MYO1F: variants seen among roughly 807,000 people sequenced by gnomAD.
MYO1F encodes unconventional myosin-If.
Under a neutral mutation model 146.6 loss-of-function variants are expected in MYO1F, and 60 were observed. That is an observed-to-expected ratio of 0.41 (90% CI 0.33 to 0.51). The LOEUF is 0.51. Ranked by LOEUF, MYO1F falls within the 20% of genes least tolerant of loss-of-function variation. The pLI is 0.25. For missense variants in MYO1F, 1,274 were observed against 1,534.3 expected, an observed-to-expected ratio of 0.83 and a Z score of 2.83; for synonymous variants, 602 against 602.1, an observed-to-expected ratio of 1.00 and a Z score of 0.00.
intron 4 of MYO1F, among the ~76,000 whole-genome samples, chr19:8,554,026 A>G (rs901374118): frequency 6.6e-6 from 1 of 151,796 alleles, no homozygotes. Context: ...GTGTGATCAT[A>G]GCACCTGTTC....
intron 4 of MYO1F, among the ~76,000 whole-genome samples, chr19:8,553,894 A>ACACTCTCTCTCTCT: frequency 3.1e-4 from 32 of 102,664 alleles, no homozygotes; most frequent in South Asian, 1.7e-3. Context: ...ACACACACAC[A>ACACTCTCTCTCTCT]CTCTCTCTCT....
At chr19:8,572,925 G>C (rs969129457) in intron 1 of MYO1F, among the ~76,000 whole-genome samples, 9 of 152,052 alleles carry the variant, frequency 5.9e-5, no homozygotes, top group African/African-American at 2.2e-4. Flanking sequence ...CGAACATCTG[G>C]CCTCAAGTGA....
Position 8,560,442 on chromosome 19 carries a change from A to G in MYO1F, c.4-4646T>C, listed in dbSNP as rs540164465. 3.0e-4 allele frequency among the ~76,000 whole-genome samples: 45 copies of G among 150,628 alleles called. No individual in the cohort carries two copies. The South Asian group carries it at 9.2e-3, about 31-fold the overall frequency. On this transcript the variant is annotated intron_variant, in intron 1 of 27. Coordinates refer to ENST00000644032, the MANE Select transcript of MYO1F (RefSeq NM_012335.4). ...AGAGGTTGCAGTGAGCCGAGATTGC[A>G]CCATTGCACTCCAACCTGGGCAAAC...
At chr19:8,574,567 C>CTT (rs1261164317) in intron 1 of MYO1F, among the ~76,000 whole-genome samples, 1 of 89,358 alleles carries the variant, frequency 1.1e-5, no homozygotes, top group Non-Finnish European at 2.3e-5. Context: ...TTCTTTCTTT[C>CTT]TTTCTTTCTT....
At chr19:8,575,739 C>G (rs1474834903) in intron 1 of MYO1F, among the ~76,000 whole-genome samples, 5 of 152,142 alleles carry the variant, frequency 3.3e-5, no homozygotes, top group African/African-American at 4.8e-5. Flanking sequence ...TTCTATCATC[C>G]TCTGCGATAC....
chr19:8,521,653 A>G (rs779066519), intron 27 of MYO1F, 49 bp from the exon 28 acceptor site: 2 of 1,557,696 alleles, frequency 1.3e-6, no homozygotes, highest in Non-Finnish European at 1.8e-6. Context: ...CCCTGGAGAA[A>G]GCTCTCATGC....
In MYO1F at chr19:8,521,271, T is replaced by C. The variant is rs1972053250; in HGVS notation, c.*257A>G. 1.9e-6 allele frequency: 1 copy of C among 538,822 alleles called. No individual in the cohort carries two copies. The highest frequency in any genetic ancestry group is 3.4e-6 in the Non-Finnish European group (1 of 296,456). 33.4% of individuals were successfully genotyped at this position (538,822 alleles called of 1,614,324 possible). On this transcript the variant is annotated 3_prime_UTR_variant, in exon 28 of 28. Coordinates refer to ENST00000644032, the MANE Select transcript of MYO1F (RefSeq NM_012335.4). ...ATGGCAGTTGGGAGGTAGATTCTGC[T>C]GTTAGTCCCCTTTGACACACACAGA...
intron 2 of MYO1F, among the ~76,000 whole-genome samples, chr19:8,555,043 G>A (rs922651031): frequency 6.6e-6 from 1 of 151,914 alleles, no homozygotes; most frequent in African/African-American, 2.4e-5. Flanking sequence ...AAATTACCCG[G>A]GCATGGTGGT....
Position 8,527,443 on chromosome 19 carries a change from T to TAC in MYO1F, c.2367_2368dup (p.Tyr790CysfsTer3). 6.2e-7 allele frequency: 1 copy of TAC among 1,614,046 alleles called. No homozygotes were observed. Among genetic ancestry groups the TAC allele is most frequent in the Non-Finnish European group, 8.5e-7 (1 of 1,180,006 alleles). On this transcript the variant is annotated frameshift_variant, in exon 22 of 28. Coordinates refer to ENST00000644032, the MANE Select transcript of MYO1F (RefSeq NM_012335.4). LOFTEE classifies it high-confidence loss of function. ...CTTCACTTTCTCTCGCCCAATCACA[T>TAC]ACACACACTTGGGCGTCAGGATCAA...
intron 19 of MYO1F, among the ~76,000 whole-genome samples, chr19:8,535,090 T>C (rs929414915): frequency 1.3e-5 from 2 of 151,494 alleles, no homozygotes; most frequent in African/African-American, 2.4e-5. Flanking sequence ...TTTTGTACTT[T>C]TAATAGAGAA....
chr19:8,533,138 A>C (rs1599927651), intron 19 of MYO1F, among the ~76,000 whole-genome samples: 1 of 143,562 alleles, frequency 7.0e-6, no homozygotes, highest in Admixed American at 7.1e-5. Flanking sequence ...TCCCGGGCTC[A>C]AGGGATCCTC....
chr19:8,540,341 T>A, intron 15 of MYO1F: 1 of 213,084 alleles, frequency 4.7e-6, no homozygotes, highest in Non-Finnish European at 9.2e-6. Context: ...TTATCTTATT[T>A]TATTTATTTA....
chr19:8,571,849 G>A (rs1327397895), intron 1 of MYO1F, among the ~76,000 whole-genome samples: 9 of 151,448 alleles, frequency 5.9e-5, no homozygotes, highest in African/African-American at 2.2e-4. Context: ...TGCCCGCCTC[G>A]GCCTCCCAAA....
At chr19:8,563,294 CTTTTTTTTTTT>C (rs938198498) in intron 1 of MYO1F, among the ~76,000 whole-genome samples, 4 of 118,652 alleles carry the variant, frequency 3.4e-5, no homozygotes, top group African/African-American at 1.3e-4. Flanking sequence ...TGCTTGGCCA[CTTTTTTTTTTT>C]TTTTTTTTTT....
At chr19:8,529,825 G>A in intron 21 of MYO1F, 1 of 422,322 alleles carries the variant, frequency 2.4e-6, no homozygotes, top group South Asian at 2.1e-5. Context: ...AGGTGTGTCT[G>A]TGCCGGGTAA....
chr19:8,548,040 T>A lies in MYO1F; in HGVS notation c.1265A>T (p.Glu422Val), dbSNP rs1166397072. The A allele has an allele frequency of 4.2e-5, 64 of 1,530,036 alleles. No homozygotes were observed. The highest frequency in any genetic ancestry group is 5.4e-5 in the Non-Finnish European group (61 of 1,127,456). 94.8% of individuals were successfully genotyped at this position (1,530,036 alleles called of 1,614,324 possible). A position where few individuals can be genotyped will look rare whatever the true frequency, so the allele number is the denominator to read the frequency against. Residue 422 changes from glutamate to valine, a missense_variant, in exon 12 of 28, where the codon GAG becomes GTG. Coordinates refer to ENST00000644032, the MANE Select transcript of MYO1F (RefSeq NM_012335.4). The part of the protein sequence containing the change: ...QIFIELTLKA[E>V]QEEYVQEGIR... ...CCTGACTGCTTGGCCGCCCACCTGC[T>A]CGGCCTTCAGGGTAAGTTCGATAAA...
In MYO1F at chr19:8,554,457, C is replaced by T. The variant is rs750694674; in HGVS notation, c.326+20G>A. 1.3e-5 allele frequency: 21 copies of T among 1,585,590 alleles called. No homozygotes were observed. The Middle Eastern group carries it at 1.0e-3, about 75-fold the overall frequency. On this transcript the variant is annotated intron_variant, in intron 4 of 27. Coordinates refer to ENST00000644032, the MANE Select transcript of MYO1F (RefSeq NM_012335.4). Reference sequence around the variant, plus strand: ...GGGGCCCGGGCAGCAGGGTCTGTGGCCCCCCAACTCTGTCCATACCTAATG... The same window carrying T: ...GGGGCCCGGGCAGCAGGGTCTGTGGTCCCCCAACTCTGTCCATACCTAATG...
At chr19:8,572,635 C>T (rs1209573075) in intron 1 of MYO1F, among the ~76,000 whole-genome samples, 1 of 152,092 alleles carries the variant, frequency 6.6e-6, no homozygotes, top group Admixed American at 6.6e-5. Context: ...CCTGTCCATC[C>T]TCATGGCCAC....
intron 12 of MYO1F, 56 bp from the exon 13 acceptor site, chr19:8,545,792 T>C: frequency 8.5e-7 from 1 of 1,175,552 alleles, no homozygotes; most frequent in Non-Finnish European, 1.3e-6. Context: ...TGGCCACCCT[T>C]CCCCCCATGT....
Sources: gnomAD v4.1 joint callset for allele counts (sites outside exome capture counted in the v4.1 genomes callset) on GRCh38, gnomAD v4.1.1 for gene constraint, MANE v1.5 for transcripts, NCBI Gene and HGNC (gene_info 2026-07-23, HGNC 2026-07-21) for gene names.